Variants in CDC42SE1 observed in about 807,000 individuals in gnomAD.
CDC42SE1 encodes the protein CDC42 small effector 1.
CDC42SE1 carries 10 observed loss-of-function variants against 10.9 expected under a neutral mutation model. That is an observed-to-expected ratio of 0.92 (90% CI 0.57 to 1.56). CDC42SE1 has a LOEUF of 1.56. CDC42SE1 is among the 40% of genes most tolerant of loss of function. The pLI is 0.00. For synonymous variants in CDC42SE1, 24 were observed against 32.0 expected (o/e 0.75, Z 0.85); for missense variants, 81 against 100.8 (o/e 0.80, Z 0.84).
intron 2 of CDC42SE1, 37 bp downstream of exon 2, chr1:151,055,640 T>C: frequency 6.4e-7 from 1 of 1,563,688 alleles, no homozygotes; most frequent in Non-Finnish European, 8.8e-7. Flanking sequence ...AGTAACTGAC[T>C]GCTCTTTGGG....
In CDC42SE1 at chr1:151,052,657, A is replaced by C. The variant is rs998297468; in HGVS notation, c.*687T>G. On this transcript the variant is annotated 3_prime_UTR_variant, in exon 5 of 5. Coordinates refer to ENST00000357235, the MANE Select transcript of CDC42SE1 (RefSeq NM_020239.4). ...GCGGAGGCAACAGCAGGATGAGGAT[A>C]ATTAAGAGAACCTGAATTAAATTTT... 4 of 152,640 alleles carry C rather than the reference A, an allele frequency of 2.6e-5. No individual in the cohort carries two copies. The highest frequency in any genetic ancestry group is 9.6e-5 in the African/African-American group (4 of 41,454). 9.5% of individuals were successfully genotyped at this position (152,640 alleles called of 1,614,324 possible).
chr1:151,055,331 G>A, intron 2 of CDC42SE1: 1 of 598,078 alleles, frequency 1.7e-6, no homozygotes, highest in Non-Finnish European at 3.0e-6. Context: ...GAGTAGTGAG[G>A]GCAGTGGCCT....
chr1:151,055,676 C>T lies in CDC42SE1; in HGVS notation c.54+1G>A. ...TTAGGATGGGGGGTGGGGAGACTCA[C>T]CGGCTGGGGTTTCTCTACCACACAG... On this transcript the variant is annotated splice_donor_variant, in intron 2 of 4. Transcript: ENST00000357235. LOFTEE classifies it high-confidence loss of function. 1 of 1,612,344 alleles carries T rather than the reference C, an allele frequency of 6.2e-7. No homozygotes were observed. Among genetic ancestry groups the T allele is most frequent in the Non-Finnish European group, 8.5e-7 (1 of 1,178,748 alleles).
chr1:151,055,803 C>A lies in CDC42SE1; in HGVS notation c.-73G>T. On this transcript the variant is annotated 5_prime_UTR_variant, in exon 2 of 5. Transcript: ENST00000357235. ...GCTCTTTCCCTGGTGTTTGGACAAC[C>A]CACTCCTCACTCTCCCCAGATACAC... 2 of 1,240,398 alleles carry A rather than the reference C, an allele frequency of 1.6e-6. No homozygotes were observed. The highest frequency in any genetic ancestry group is 2.5e-5 in the East Asian group (1 of 40,686). 76.8% of individuals were successfully genotyped at this position (1,240,398 alleles called of 1,614,324 possible).
At chr1:151,053,951 T>A (rs1676232552) in intron 4 of CDC42SE1, among the ~76,000 whole-genome samples, 1 of 152,096 alleles carries the variant, frequency 6.6e-6, no homozygotes, top group South Asian at 2.1e-4. Context: ...TGCCTCAGCC[T>A]CCCAGGTAGA....
rs1336937686 is a variant in CDC42SE1, at chr1:151,052,669, C to G, written c.*675G>C. 6.6e-6 allele frequency: 1 copy of G among 152,478 alleles called. No homozygotes were observed. The highest frequency in any genetic ancestry group is 1.5e-5 in the Non-Finnish European group (1 of 68,018). The allele number at this position is 152,478 out of a possible 1,614,324, so 9.4% of individuals were successfully genotyped here. A position where few individuals can be genotyped will look rare whatever the true frequency, so the allele number is the denominator to read the frequency against. On this transcript the variant is annotated 3_prime_UTR_variant, in exon 5 of 5. Coordinates refer to ENST00000357235, the MANE Select transcript of CDC42SE1 (RefSeq NM_020239.4). ...GCAGGATGAGGATAATTAAGAGAAC[C>G]TGAATTAAATTTTTAATATTTTAAA...
chr1:151,054,786 AC>A (rs1222281506), intron 3 of CDC42SE1, among the ~76,000 whole-genome samples: 2 of 151,994 alleles, frequency 1.3e-5, no homozygotes, highest in East Asian at 1.9e-4. Flanking sequence ...AGATATATAT[AC>A]CCCCTACCCC....
rs1288664443 is a variant in CDC42SE1, at chr1:151,052,608, T to A, written c.*736A>T. The A allele has an allele frequency of 6.5e-6, 1 of 152,718 alleles. No individual in the cohort carries two copies. Among genetic ancestry groups the A allele is most frequent in the Middle Eastern group, 3.4e-3 (1 of 294 alleles). The allele number at this position is 152,718 out of a possible 1,614,324, so 9.5% of individuals were successfully genotyped here. Reference sequence around the variant, plus strand: ...AACTCTTATTCGGTGGGAAACAAGGTTCCTAATAGGGATAGAGTTAAGGGC... The same window carrying A: ...AACTCTTATTCGGTGGGAAACAAGGATCCTAATAGGGATAGAGTTAAGGGC... On this transcript the variant is annotated 3_prime_UTR_variant, in exon 5 of 5. Coordinates refer to ENST00000357235, the MANE Select transcript of CDC42SE1 (RefSeq NM_020239.4).
chr1:151,054,950 C>A (rs1290885116), intron 3 of CDC42SE1, 66 bp downstream of exon 3: 75 of 1,200,568 alleles, frequency 6.2e-5, no homozygotes, highest in Non-Finnish European at 3.7e-6. Context: ...CTAGCTTGAA[C>A]TTTCAAAAAG....
At chr1:151,054,473 C>A in intron 3 of CDC42SE1, 152 bp from the exon 4 acceptor site, 1 of 664,540 alleles carries the variant, frequency 1.5e-6, no homozygotes, top group Admixed American at 2.6e-5. Context: ...AGTCTCAATG[C>A]CTCTTTTCAC....
chr1:151,055,994 C>T lies in CDC42SE1; in HGVS notation c.-263-1G>A. ...TTATGTCTTCCTCAGACTCGGAACC[C>T]TGGATTAGAAGAAAGTAAAAAGAAA... On this transcript the variant is annotated splice_acceptor_variant, in intron 1 of 4. Transcript: ENST00000357235. LOFTEE classifies it low-confidence loss of function (5UTR_SPLICE). 3 of 530,164 alleles carry T rather than the reference C, an allele frequency of 5.7e-6. No homozygotes were observed. Among genetic ancestry groups the T allele is most frequent in the South Asian group, 2.3e-5 (1 of 43,232 alleles). 32.8% of individuals were successfully genotyped at this position (530,164 alleles called of 1,614,324 possible). A position where few individuals can be genotyped will look rare whatever the true frequency, so the allele number is the denominator to read the frequency against.
rs956154147 is a variant in CDC42SE1 at position 151,051,135 on chromosome 1, G to C, written c.*2209C>G. 1 of 151,910 alleles carries C rather than the reference G, an allele frequency of 6.6e-6. No homozygotes were observed. Among genetic ancestry groups the C allele is most frequent in the Non-Finnish European group, 1.5e-5 (1 of 67,976 alleles). 9.4% of individuals were successfully genotyped at this position (151,910 alleles called of 1,614,324 possible). A position where few individuals can be genotyped will look rare whatever the true frequency, so the allele number is the denominator to read the frequency against. On this transcript the variant is annotated 3_prime_UTR_variant, in exon 5 of 5. Coordinates refer to ENST00000357235, the MANE Select transcript of CDC42SE1 (RefSeq NM_020239.4). ...AGCTAAAGGCAAGAGAGCACCAAAG[G>C]AAAAAGACTGTCCAAAGAACAGGTA...
chr1:151,054,281 C>T lies in CDC42SE1; in HGVS notation c.206G>A (p.Arg69Gln), dbSNP rs766898988. Reference sequence around the variant, plus strand: ...CCTAGAATTGCTCCATGGCCTATCTCGGTTTCCCTTGGATCTCATCTGCTC... The same window carrying T: ...CCTAGAATTGCTCCATGGCCTATCTTGGTTTCCCTTGGATCTCATCTGCTC... ...VQEQMRSKGN[R>Q]DRPWSNSRGL Residue 69 changes from arginine (R) to glutamine (Q), a missense_variant, in exon 4 of 5, where the codon CGA (arginine) becomes CAA (glutamine). Coordinates refer to ENST00000357235, the MANE Select transcript of CDC42SE1 (RefSeq NM_020239.4). 19 of 1,613,886 alleles carry T rather than the reference C, an allele frequency of 1.2e-5. No individual in the cohort carries two copies. The Admixed American group carries it at 1.5e-4, about 13-fold the overall frequency.
At chr1:151,054,973 T>C (rs761698784) in intron 3 of CDC42SE1, 43 bp downstream of exon 3, 1 of 1,380,278 alleles carries the variant, frequency 7.2e-7, no homozygotes. Flanking sequence ...GGAACGGTTA[T>C]AGACCTCACC....
rs145776886 is a variant in CDC42SE1 at position 151,056,746 on chromosome 1, G to A, written c.-263-753C>T. The A allele has an allele frequency of 1.7e-3, 259 of 152,388 alleles. No individual in the cohort carries two copies. In the Middle Eastern group the frequency reaches 0.03, roughly 18 times the overall value. The allele number at this position is 152,388 out of a possible 1,614,324, so 9.4% of individuals were successfully genotyped here. A position where few individuals can be genotyped will look rare whatever the true frequency, so the allele number is the denominator to read the frequency against. ...TGTGTACACCTCTGTTTGCACATGC[G>A]TGGCATGGCCATATCTCCACGTGTG... On this transcript the variant is annotated intron_variant, in intron 1 of 4. Coordinates refer to ENST00000357235, the MANE Select transcript of CDC42SE1 (RefSeq NM_020239.4).
chr1:151,057,085 G>A lies in CDC42SE1; in HGVS notation c.-263-1092C>T, dbSNP rs962240168. On this transcript the variant is annotated intron_variant, in intron 1 of 4. Coordinates refer to ENST00000357235, the MANE Select transcript of CDC42SE1 (RefSeq NM_020239.4). The surrounding 1 kb of genome is among the most constrained non-coding windows in gnomAD (Gnocchi z 4.0). Reference sequence around the variant, plus strand: ...TCTGGGTTTCTTCTTAGACTCACTTGCATTTCCCCAGTCCTATAGTACAGA... The same window carrying A: ...TCTGGGTTTCTTCTTAGACTCACTTACATTTCCCCAGTCCTATAGTACAGA... 3.3e-5 allele frequency among the ~76,000 whole-genome samples: 5 copies of A among 152,188 alleles called. No homozygotes were observed. The highest frequency in any genetic ancestry group is 9.7e-5 in the African/African-American group (4 of 41,434).
chr1:151,054,369 C>T (rs771620834), intron 3 of CDC42SE1, 48 bp from the exon 4 acceptor site: 1 of 1,421,174 alleles, frequency 7.0e-7, no homozygotes, highest in East Asian at 2.3e-5. Context: ...TCATATCCTA[C>T]AGTAAGAACT....
chr1:151,055,079 C>T lies in CDC42SE1; in HGVS notation c.102G>A (p.Met34Ile), dbSNP rs1676255521. 6.2e-7 allele frequency: 1 copy of T among 1,613,844 alleles called. No individual in the cohort carries two copies. The highest frequency in any genetic ancestry group is 8.5e-7 in the Non-Finnish European group (1 of 1,179,964). The change falls in exon 3 of 5, where the codon ATG (methionine) becomes ATA (isoleucine). Residue 34 changes from methionine to isoleucine, a missense_variant. Coordinates refer to ENST00000357235, the MANE Select transcript of CDC42SE1 (RefSeq NM_020239.4). ...RIDRTMIGEP[M>I]NFVHLTHIGS... ...CAATGTGAGTCAGGTGAACAAAATT[C>T]ATTGGTTCCCCAATCATGGTCCGGT...
intron 2 of CDC42SE1, 39 bp from the exon 3 acceptor site, chr1:151,055,165 T>G: frequency 6.9e-7 from 1 of 1,452,536 alleles, no homozygotes; most frequent in Non-Finnish European, 9.7e-7. Flanking sequence ...TTAAGGCCCC[T>G]CCTCCAGTCA....
Sources: allele counts gnomAD v4.1 joint callset (sites outside exome capture counted in the v4.1 genomes callset), GRCh38; gene constraint gnomAD v4.1.1; non-coding constraint Gnocchi (gnomAD v3.1); transcripts MANE v1.5; gene names NCBI Gene and HGNC (gene_info 2026-07-23, HGNC 2026-07-21).